The following MTMR14 variants were observed in gnomAD, a reference collection of about 807,000 sequenced individuals.
MTMR14 encodes phosphatidylinositol-3,5-bisphosphate 3-phosphatase MTMR14.
In MTMR14, 48 loss-of-function variants were observed where a neutral mutation model predicts 86.3. That is an observed-to-expected ratio of 0.56 (90% confidence interval 0.44 to 0.71). The LOEUF is 0.71. Among genes scored for constraint, MTMR14 ranks in the 30% least tolerant of loss-of-function variants. The pLI, the probability that MTMR14 is intolerant of heterozygous loss-of-function variation, is 0.00. For synonymous variants in MTMR14, 366 were observed against 326.1 expected (o/e 1.12, Z -1.32); for missense variants, 780 against 834.6 (o/e 0.93, Z 0.81).
intron 7 of MTMR14, 106 bp downstream of exon 7, chr3:9,672,864 G>T: frequency 9.6e-7 from 1 of 1,036,824 alleles, no homozygotes; most frequent in Non-Finnish European, 1.5e-6. Flanking sequence ...AGCTTTCCTG[G>T]AGGGTTTGTG....
chr3:9,682,197 C>T (rs552874890), intron 9 of MTMR14, among the ~76,000 whole-genome samples: 2 of 152,316 alleles, frequency 1.3e-5, no homozygotes, highest in Admixed American at 6.5e-5. Flanking sequence ...TTTATTAGCA[C>T]AGCACTACAG....
At chr3:9,686,525 A>G (rs1187231526) in intron 13 of MTMR14, among the ~76,000 whole-genome samples, 1 of 152,180 alleles carries the variant, frequency 6.6e-6, no homozygotes, top group Non-Finnish European at 1.5e-5. Flanking sequence ...CGTCCAAAGC[A>G]AAAAACCCCA....
intron 3 of MTMR14, among the ~76,000 whole-genome samples, chr3:9,665,307 G>T (rs548347091): frequency 4.7e-5 from 7 of 148,348 alleles, no homozygotes; most frequent in Admixed American, 3.4e-4. Flanking sequence ...AAAGTCTCAC[G>T]TACCCCATAA....
At chr3:9,684,779 C>T (rs2075882817) in intron 11 of MTMR14, 109 bp downstream of exon 11, 7 of 1,540,790 alleles carry the variant, frequency 4.5e-6, no homozygotes, top group African/African-American at 1.4e-5. Context: ...ATGTGTTTAA[C>T]CCTGTCCTTC....
At chr3:9,676,793 C>T (rs1463349952) in intron 7 of MTMR14, among the ~76,000 whole-genome samples, 1 of 152,192 alleles carries the variant, frequency 6.6e-6, no homozygotes, top group Non-Finnish European at 1.5e-5. Context: ...TTGGGCATGG[C>T]AGTGTCTCTT....
intron 17 of MTMR14, 76 bp downstream of exon 17, chr3:9,690,219 G>T: frequency 6.6e-7 from 1 of 1,512,356 alleles, no homozygotes. Context: ...TCGGGGGCCA[G>T]CACCTGAGCT....
chr3:9,675,578 A>G (rs1407635405), intron 7 of MTMR14: 1 of 457,252 alleles, frequency 2.2e-6, no homozygotes, highest in Non-Finnish European at 4.4e-6. Context: ...CTGCAGCACA[A>G]ATCTAATTTG....
chr3:9,660,074 CTG>C (rs1361214983), intron 2 of MTMR14, among the ~76,000 whole-genome samples: 2 of 152,226 alleles, frequency 1.3e-5, no homozygotes, highest in East Asian at 3.8e-4. Flanking sequence ...AGGAAGGCCA[CTG>C]TGGCAGTACT....
Position 9,702,294 on chromosome 3 carries a change from C to T in MTMR14, c.*321C>T. On this transcript the variant is annotated 3_prime_UTR_variant, in exon 19 of 19. Coordinates refer to ENST00000296003, the MANE Select transcript of MTMR14 (RefSeq NM_001077525.3). ...AGCCATGACTTCACAAAGACCCTAC[C>T]TGTCAGTTCTTGTTTCTGGGGAGGA... 1 of 439,902 alleles carries T rather than the reference C, an allele frequency of 2.3e-6. No homozygotes were observed. The highest frequency in any genetic ancestry group is 4.2e-6 in the Non-Finnish European group (1 of 235,850). The allele number at this position is 439,902 out of a possible 1,614,324, so 27.2% of individuals were successfully genotyped here. A position where few individuals can be genotyped will look rare whatever the true frequency, so the allele number is the denominator to read the frequency against.
At chr3:9,653,884 T>G in intron 2 of MTMR14, 115 bp downstream of exon 2, 1 of 1,394,842 alleles carries the variant, frequency 7.2e-7, no homozygotes, top group Middle Eastern at 2.0e-4. Flanking sequence ...GTGTTAATCC[T>G]TATTGGCATT....
intron 16 of MTMR14, 148 bp downstream of exon 16, chr3:9,689,230 G>T: frequency 7.8e-7 from 1 of 1,282,568 alleles, no homozygotes; most frequent in Non-Finnish European, 1.1e-6. Flanking sequence ...TCTCTACTGG[G>T]CCTCAGAAGT....
rs2075612773 is a variant in MTMR14, at chr3:9,677,204, G to A, written c.752-113G>A. 1 of 891,098 alleles carries A rather than the reference G, an allele frequency of 1.1e-6. No homozygotes were observed. The highest frequency in any genetic ancestry group is 2.4e-4 in the Middle Eastern group (1 of 4,130). 55.2% of individuals were successfully genotyped at this position (891,098 alleles called of 1,614,324 possible). On this transcript the variant is annotated intron_variant, in intron 7 of 18. Coordinates refer to ENST00000296003, the MANE Select transcript of MTMR14 (RefSeq NM_001077525.3). This position sits in a 1 kb window ranked among gnomAD's most constrained non-coding sequence, Gnocchi z 4.2. Reference sequence around the variant, plus strand: ...ACTGAAGCCACTAGCTTGGAGAAGTGTGAGTTGGCGGCCCCCTCTCCACAG... The same window carrying A: ...ACTGAAGCCACTAGCTTGGAGAAGTATGAGTTGGCGGCCCCCTCTCCACAG...
chr3:9,673,046 G>A (rs182863994), intron 7 of MTMR14, among the ~76,000 whole-genome samples: 128 of 152,324 alleles, frequency 8.4e-4, no homozygotes, highest in South Asian at 2.9e-3. Flanking sequence ...GTTTTCTCAG[G>A]AGCTTGGAAC....
chr3:9,669,577 G>A, intron 5 of MTMR14, 85 bp downstream of exon 5: 1 of 1,425,556 alleles, frequency 7.0e-7, no homozygotes, highest in Non-Finnish European at 9.6e-7. Flanking sequence ...TTGTCCGTGG[G>A]TATTTGTCAC....
In MTMR14 at chr3:9,702,061, C is replaced by T; in HGVS notation, c.*88C>T. The T allele has an allele frequency of 6.5e-7, 1 of 1,549,884 alleles. No homozygotes were observed. The highest frequency in any genetic ancestry group is 8.9e-7 in the Non-Finnish European group (1 of 1,129,040). ...GCCATGCCTGGCCGAAGGGGTACTT[C>T]CAGGTCAGGGGAAATTTCAGTCCCC... On this transcript the variant is annotated 3_prime_UTR_variant, in exon 19 of 19. Transcript: ENST00000296003.
intron 7 of MTMR14, among the ~76,000 whole-genome samples, chr3:9,673,821 A>G (rs565267071): frequency 3.0e-4 from 44 of 144,528 alleles, no homozygotes; most frequent in Non-Finnish European, 5.4e-4. Context: ...AGACCCCTCC[A>G]TAACAGGTGT....
At chr3:9,669,359 G>A in intron 4 of MTMR14, 73 bp from the exon 5 acceptor site, 1 of 1,502,860 alleles carries the variant, frequency 6.7e-7, no homozygotes, top group South Asian at 1.2e-5. Flanking sequence ...TGGGGAAGGA[G>A]GCTGGTGAGG....
intron 13 of MTMR14, among the ~76,000 whole-genome samples, chr3:9,686,577 C>G (rs758571681): frequency 1.3e-4 from 20 of 152,228 alleles, no homozygotes; most frequent in Non-Finnish European, 2.5e-4. Flanking sequence ...CCCCACCTCA[C>G]CTTGGAGGTT....
rs1352998378 is a variant in MTMR14, at chr3:9,677,997, C to T, written c.836C>T (p.Ala279Val). 6.2e-7 allele frequency: 1 copy of T among 1,614,046 alleles called. No individual in the cohort carries two copies. ...IFNWKQDYVD[A>V]PLSIPDFLTH... ...TTCTGTCCCCAGGACTACGTTGATG[C>T]CCCATTGAGCATCCCCGACTTCCTG... Residue 279 changes from alanine to valine, a missense_variant, in exon 9 of 19, where the codon GCC (alanine) becomes GTC (valine). By Grantham distance (64) the Ala-to-Val change is moderately conservative. Transcript: ENST00000296003. This position sits in a 1 kb window ranked among gnomAD's most constrained non-coding sequence, Gnocchi z 4.2.
Sources: gnomAD v4.1 joint callset for allele counts (sites outside exome capture counted in the v4.1 genomes callset) on GRCh38, gnomAD v4.1.1 for gene constraint, Gnocchi (gnomAD v3.1) non-coding constraint, MANE v1.5 for transcripts, NCBI Gene and HGNC (gene_info 2026-07-23, HGNC 2026-07-21) for gene names.